The following PHACTR3 variants were observed in gnomAD, a reference collection of about 807,000 sequenced individuals.
PHACTR3 encodes the protein protein phosphatase 1, regulatory subunit 123.
Under a neutral mutation model 66.8 loss-of-function variants are expected in PHACTR3, and 16 were observed. That is an observed-to-expected ratio of 0.24 (90% CI 0.16 to 0.36). PHACTR3 has a LOEUF of 0.36. PHACTR3 is among the 10% of genes least tolerant of loss of function. PHACTR3 has a pLI of 1.00. For missense variants in PHACTR3, 647 were observed against 719.9 expected, an observed-to-expected ratio of 0.90 and a Z score of 1.16; for synonymous variants, 323 against 292.1, an observed-to-expected ratio of 1.11 and a Z score of -1.08.
intron 1 of PHACTR3, chr20:59,577,698 C>T (rs2032752995): frequency 3.1e-6 from 3 of 961,858 alleles, no homozygotes; most frequent in African/African-American, 1.7e-5. Context: ...GGGACGACTC[C>T]TCCTGAATCC....
At chr20:59,670,401 G>T (rs534643000) in intron 1 of PHACTR3, among the ~76,000 whole-genome samples, 48 of 152,288 alleles carry the variant, frequency 3.2e-4, no homozygotes, top group Non-Finnish European at 6.0e-4. Flanking sequence ...ACCTTTTGAG[G>T]CAGAAACCTC....
chr20:59,808,563 C>A (rs538654849), intron 8 of PHACTR3, among the ~76,000 whole-genome samples: 11 of 152,328 alleles, frequency 7.2e-5, no homozygotes, highest in Admixed American at 2.0e-4. Flanking sequence ...AAAAGCCAAC[C>A]CTTCCCTGGA....
At chr20:59,669,847 C>A (rs573580530) in intron 1 of PHACTR3, among the ~76,000 whole-genome samples, 1 of 152,358 alleles carries the variant, frequency 6.6e-6, no homozygotes, top group South Asian at 2.1e-4. Context: ...TGTCTGGATA[C>A]ATCACACTTT....
At chr20:59,789,027 G>C (rs1237452120) in intron 7 of PHACTR3, among the ~76,000 whole-genome samples, 2 of 152,252 alleles carry the variant, frequency 1.3e-5, no homozygotes, top group Non-Finnish European at 2.9e-5. Flanking sequence ...AGCGATGGTA[G>C]CTGCCCTCCC....
At chr20:59,842,175 G>C (rs1439969367) in intron 11 of PHACTR3, among the ~76,000 whole-genome samples, 1 of 152,156 alleles carries the variant, frequency 6.6e-6, no homozygotes, top group African/African-American at 2.4e-5. Context: ...AGCACAGAGA[G>C]GGTCAGTTCT....
intron 1 of PHACTR3, among the ~76,000 whole-genome samples, chr20:59,715,487 A>G (rs1213957681): frequency 1.3e-5 from 2 of 152,050 alleles, no homozygotes; most frequent in East Asian, 1.9e-4. Context: ...CTTGTTTTCC[A>G]TGTTTTGTCT....
intron 1 of PHACTR3, among the ~76,000 whole-genome samples, chr20:59,648,832 C>T (rs991067964): frequency 2.0e-5 from 3 of 152,154 alleles, no homozygotes; most frequent in African/African-American, 7.2e-5. Context: ...TTAGAGAAAC[C>T]ACCTCGGAGT....
At chr20:59,677,518 G>A (rs2036490882) in intron 1 of PHACTR3, among the ~76,000 whole-genome samples, 1 of 152,172 alleles carries the variant, frequency 6.6e-6, no homozygotes, top group African/African-American at 2.4e-5. Flanking sequence ...AGTTAATATG[G>A]GTCATGGTTA....
intron 1 of PHACTR3, among the ~76,000 whole-genome samples, chr20:59,590,587 G>A (rs556538883): frequency 6.6e-6 from 1 of 152,286 alleles, no homozygotes; most frequent in South Asian, 2.1e-4. Flanking sequence ...GAGGCCTGAG[G>A]GGACAGATCC....
chr20:59,619,151 T>A (rs1378498963), intron 1 of PHACTR3, among the ~76,000 whole-genome samples: 2 of 152,112 alleles, frequency 1.3e-5, no homozygotes, highest in Non-Finnish European at 2.9e-5. Context: ...CCCCCTCCCC[T>A]GAGTGTGGCA....
intron 7 of PHACTR3, 66 bp from the exon 8 acceptor site, chr20:59,805,975 C>T (rs1045688587): frequency 1.3e-6 from 2 of 1,530,488 alleles, no homozygotes; most frequent in Admixed American, 2.1e-5. Flanking sequence ...ATTGACAAGC[C>T]AGCCCTCCGC....
intron 1 of PHACTR3, among the ~76,000 whole-genome samples, chr20:59,728,031 A>T (rs562871010): frequency 1.4e-4 from 22 of 152,306 alleles, no homozygotes; most frequent in Admixed American, 2.6e-4. Flanking sequence ...TTGAGGTAAA[A>T]TTCATATAGC....
chr20:59,695,821 C>T (rs985267071), intron 1 of PHACTR3, among the ~76,000 whole-genome samples: 2 of 151,972 alleles, frequency 1.3e-5, no homozygotes, highest in Non-Finnish European at 2.9e-5. Context: ...CAATGTCCAC[C>T]TCTCGGGTTC....
intron 1 of PHACTR3, among the ~76,000 whole-genome samples, chr20:59,652,542 A>C (rs1033200194): frequency 6.6e-6 from 1 of 152,174 alleles, no homozygotes; most frequent in Non-Finnish European, 1.5e-5. Context: ...TGGGCAACAG[A>C]GTGAGACCTT....
At chr20:59,771,282 G>A (rs957062071) in intron 5 of PHACTR3, among the ~76,000 whole-genome samples, 4 of 152,182 alleles carry the variant, frequency 2.6e-5, no homozygotes, top group African/African-American at 9.7e-5. Context: ...GGGGCTGGGG[G>A]ATGCTGCGTG....
At position 59,830,798 on chromosome 20, in the gene PHACTR3, C is replaced by T. The variant is rs547547297; in HGVS notation, c.1329-5707C>T. On this transcript the variant is annotated intron_variant, in intron 8 of 12. Transcript: ENST00000371015. This position sits in a 1 kb window ranked among gnomAD's most constrained non-coding sequence, Gnocchi z 5.8. ...AATCAGAGGCTCAAGTAAGGGAGGG[C>T]GTGACGCCATCACCCAGCTGGCAGG... 6.4e-4 allele frequency among the ~76,000 whole-genome samples: 98 copies of T among 152,236 alleles called. No individual in the cohort carries two copies. Among genetic ancestry groups the T allele is most frequent in the African/African-American group, 1.6e-3 (68 of 41,514 alleles).
chr20:59,840,612 C>T (rs751776857), intron 10 of PHACTR3, among the ~76,000 whole-genome samples, 182 bp downstream of exon 10: 17 of 152,320 alleles, frequency 1.1e-4, no homozygotes, highest in Non-Finnish European at 2.2e-4. Flanking sequence ...CTCCCTCTGA[C>T]GTTCCCTATG....
At chr20:59,581,900 C>A in intron 1 of PHACTR3, among the ~76,000 whole-genome samples, 1 of 150,108 alleles carries the variant, frequency 6.7e-6, no homozygotes, top group East Asian at 2.0e-4. Context: ...AAAAAAAGTC[C>A]TAGCCTGTAG....
chr20:59,820,550 A>T lies in PHACTR3; in HGVS notation c.1328+14356A>T, dbSNP rs1243635729. 6.6e-6 allele frequency among the ~76,000 whole-genome samples: 1 copy of T among 152,178 alleles called. No homozygotes were observed. Among genetic ancestry groups the T allele is most frequent in the East Asian group, 1.9e-4 (1 of 5,188 alleles). Reference sequence around the variant, plus strand: ...TCGTCTTGGGTGGAAGTCCCCGTGTACAGGGAGGGAAAGCCCATCTGTGTG... The same window carrying T: ...TCGTCTTGGGTGGAAGTCCCCGTGTTCAGGGAGGGAAAGCCCATCTGTGTG... On this transcript the variant is annotated intron_variant, in intron 8 of 12. Transcript: ENST00000371015. This position sits in a 1 kb window ranked among gnomAD's most constrained non-coding sequence, Gnocchi z 4.6.
Sources: allele counts gnomAD v4.1 joint callset (sites outside exome capture counted in the v4.1 genomes callset), GRCh38; gene constraint gnomAD v4.1.1; non-coding constraint Gnocchi (gnomAD v3.1); transcripts MANE v1.5; gene names NCBI Gene and HGNC (gene_info 2026-07-23, HGNC 2026-07-21).